The following FAT2 variants were observed in gnomAD, a reference collection of about 807,000 sequenced individuals.
FAT2 encodes protocadherin Fat 2.
Under a neutral mutation model 295.3 loss-of-function variants are expected in FAT2, and 150 were observed. That is an observed-to-expected ratio of 0.51 (90% confidence interval 0.44 to 0.58). The LOEUF (loss-of-function observed/expected upper bound fraction) is 0.58, where lower values mean the gene tolerates loss of function less well. FAT2 is among the 20% of genes least tolerant of loss of function. The probability of loss-of-function intolerance (pLI) is 0.00; values close to 1 mark genes in which losing one functional copy is unlikely to be tolerated. For synonymous variants in FAT2, 2,026 were observed against 2,150.3 expected, an observed-to-expected ratio of 0.94 and a Z score of 1.60; for missense variants, 4,868 against 5,442.7, an observed-to-expected ratio of 0.89 and a Z score of 3.32.
At chr5:151,549,891 T>G (rs1277329608) in intron 8 of FAT2, among the ~76,000 whole-genome samples, 1 of 152,210 alleles carries the variant, frequency 6.6e-6, no homozygotes, top group Non-Finnish European at 1.5e-5. Flanking sequence ...AACAGTTTTC[T>G]TTGTTGCAGG....
At chr5:151,592,742 A>T (rs1581487754), upstream of FAT2, among the ~76,000 whole-genome samples, 1 of 151,564 alleles carries the variant, frequency 6.6e-6, no homozygotes, top group South Asian at 2.1e-4. Flanking sequence ...CTCAGAACAG[A>T]TCCGTTTCCC....
At chr5:151,522,212 G>A (rs568984722) in intron 18 of FAT2, 126 bp from the exon 19 acceptor site, 4 of 679,194 alleles carry the variant, frequency 5.9e-6, no homozygotes, top group African/African-American at 3.7e-5. Context: ...CTGGCTCAGC[G>A]CATTGTTGCA....
chr5:151,543,786 G>A lies in FAT2; in HGVS notation c.7341C>T (p.Asp2447=). 1 of 1,614,216 alleles carries A rather than the reference G, an allele frequency of 6.2e-7. No homozygotes were observed. The highest frequency in any genetic ancestry group is 8.5e-7 in the Non-Finnish European group (1 of 1,180,046). ...CACCTACCCTCAAATTGTAAGAAGAGTCCAGGTGCTTTTTGCAAAGGTTGA... is the reference window on the plus strand; with the variant it reads ...CACCTACCCTCAAATTGTAAGAAGAATCCAGGTGCTTTTTGCAAAGGTTGA... The part of the protein sequence containing the change: ...SMFNLCKKHL[D]SSYNLRVGAS... Residue 2447 remains aspartate, a synonymous_variant, in exon 10 of 24, where the codon GAC becomes GAT. Transcript: ENST00000261800.
intron 1 of FAT2, among the ~76,000 whole-genome samples, chr5:151,572,333 G>C (rs540419670): frequency 1.3e-5 from 2 of 152,200 alleles, no homozygotes; most frequent in South Asian, 2.1e-4. Flanking sequence ...CAGAATGAAC[G>C]CTGAAAGAGC....
rs1755529747 is a variant in FAT2, at chr5:151,537,366, GGAAA to G, written c.9193+423_9193+426del. ...AAGAAAAGAAAAAAGAAGGAAGGAA[GGAAA>G]GAAACAACGAACAACGAAAGGAAAG... On this transcript the variant is annotated intron_variant, in intron 12 of 23. Coordinates refer to ENST00000261800, the MANE Select transcript of FAT2 (RefSeq NM_001447.3). Among the ~76,000 whole-genome samples the G allele has an allele frequency of 3.0e-5, 4 of 133,412 alleles. No individual in the cohort carries two copies. The South Asian group carries it at 7.2e-4, about 24-fold the overall frequency. The allele number at this position is 133,412 out of a possible 152,430, so 87.5% of individuals were successfully genotyped here.
upstream of FAT2, among the ~76,000 whole-genome samples, chr5:151,592,052 A>C (rs900155309): frequency 1.3e-5 from 2 of 152,214 alleles, no homozygotes; most frequent in Non-Finnish European, 2.9e-5. Context: ...CAGATTCATG[A>C]GACCGATTAT....
chr5:151,564,409 T>C (rs1328219138), intron 2 of FAT2, among the ~76,000 whole-genome samples: 1 of 152,264 alleles, frequency 6.6e-6, no homozygotes, highest in Admixed American at 6.5e-5. Flanking sequence ...CTTAATCTAA[T>C]GCTCTTTCTA....
At chr5:151,558,725 T>G (rs1757892707) in intron 3 of FAT2, among the ~76,000 whole-genome samples, 1 of 152,194 alleles carries the variant, frequency 6.6e-6, no homozygotes, top group Non-Finnish European at 1.5e-5. Flanking sequence ...TATTATTCAC[T>G]AGGGTCCTAG....
intron 3 of FAT2, among the ~76,000 whole-genome samples, chr5:151,557,818 G>A (rs1478024720): frequency 6.6e-6 from 1 of 152,174 alleles, no homozygotes; most frequent in African/African-American, 2.4e-5. Context: ...GGGTCATGGT[G>A]AGGCTGGGAA....
At chr5:151,511,602 T>A (rs1397162630) in intron 21 of FAT2, 1 of 155,114 alleles carries the variant, frequency 6.4e-6, no homozygotes, top group African/African-American at 2.4e-5. Flanking sequence ...AAAATGTGAG[T>A]GCGTGTACAT....
At chr5:151,561,461 G>T (rs1758013118) in intron 3 of FAT2, among the ~76,000 whole-genome samples, 1 of 152,086 alleles carries the variant, frequency 6.6e-6, no homozygotes, top group Non-Finnish European at 1.5e-5. Context: ...TGCGATCATG[G>T]GTCACTGTAG....
intron 1 of FAT2, among the ~76,000 whole-genome samples, chr5:151,574,754 C>A (rs1189226611): frequency 1.3e-5 from 2 of 152,226 alleles, no homozygotes; most frequent in Non-Finnish European, 2.9e-5. Flanking sequence ...GAGACTTAAT[C>A]TACTTCCAAG....
chr5:151,506,113 A>G lies in FAT2; in HGVS notation c.12518-16T>C, dbSNP rs759249104. 4 of 1,500,648 alleles carry G rather than the reference A, an allele frequency of 2.7e-6. No homozygotes were observed. In the African/African-American group the frequency reaches 4.2e-5, roughly 16 times the overall value. 93.0% of individuals were successfully genotyped at this position (1,500,648 alleles called of 1,614,324 possible). ...CCAGGGTACACTGAAAGGGAACAGCAAGATAGGGTGAGCTCATTTTCTCCC... is the reference window on the plus strand; with the variant it reads ...CCAGGGTACACTGAAAGGGAACAGCGAGATAGGGTGAGCTCATTTTCTCCC... On this transcript the variant is annotated splice_polypyrimidine_tract_variant and intron_variant, in intron 23 of 23. Coordinates refer to ENST00000261800, the MANE Select transcript of FAT2 (RefSeq NM_001447.3).
chr5:151,533,757 G>GAT (rs377278077), intron 13 of FAT2, among the ~76,000 whole-genome samples: 42 of 150,776 alleles, frequency 2.8e-4, no homozygotes, highest in Non-Finnish European at 5.2e-4. Flanking sequence ...ATATATATGT[G>GAT]ATATATATAT....
In FAT2 at chr5:151,567,866, T is replaced by C. The variant is rs931394739; in HGVS notation, c.1066A>G (p.Lys356Glu). The change falls in exon 2 of 24, where the codon AAA becomes GAA. Residue 356 changes from lysine to glutamate, a missense_variant. Lys to Glu is a moderately conservative substitution (Grantham distance 56). Transcript: ENST00000261800. ...TTCTCGAATTTGAGGGAAGACAGTT[T>C]GGAAGGTGGTAGGTGAAAGCCCCTG... ...QIRGFHLPPS[K>E]LSSLKFEKAV... is the part of the protein sequence containing the mutation. The C allele has an allele frequency of 6.2e-7, 1 of 1,614,118 alleles. No individual in the cohort carries two copies. The highest frequency in any genetic ancestry group is 1.7e-5 in the Admixed American group (1 of 60,016).
At position 151,521,494 on chromosome 5, in the gene FAT2, G is replaced by C. The variant is rs764916395; in HGVS notation, c.11099C>G (p.Ala3700Gly). Residue 3700 changes from alanine to glycine, a missense_variant, in exon 19 of 24, where the codon GCA becomes GGA. Ala to Gly is a moderately conservative substitution (Grantham distance 60). This residue lies in a region of FAT2 where 1,046 missense variants were observed against 1,210.1 expected (regional missense o/e 0.86). Transcript: ENST00000261800. ...SGTFYEFQEL[A>G]SIITHSAKEM... ...CTTGGCTGAGTGAGTGATGATGGAT[G>C]CTAGCTCCTGAAACTCGTAGAAGGT... 4 of 1,614,118 alleles carry C rather than the reference G, an allele frequency of 2.5e-6. No homozygotes were observed. In the South Asian group the frequency reaches 4.4e-5, roughly 18 times the overall value.
rs200068080 is a variant in FAT2, at chr5:151,517,708, C to T, written c.11375G>A (p.Arg3792Gln). The T allele has an allele frequency of 2.8e-4, 444 of 1,614,028 alleles. 1 individual carries two copies. The highest frequency in any genetic ancestry group is 3.5e-4 in the Non-Finnish European group (409 of 1,180,022). The part of the protein sequence containing the change: ...SYVRYRAPAA[R>Q]NWHIHFYLKT... ...CAGATAGAAATGGATGTGCCAGTTC[C>T]GAGCCGCTGGGGCCCTGTACCGCAC... Residue 3792 changes from arginine (R) to glutamine (Q), a missense_variant, in exon 20 of 24, where the codon CGG becomes CAG. Physicochemically the swap from Arg to Gln is conservative, Grantham distance 43. Coordinates refer to ENST00000261800, the MANE Select transcript of FAT2 (RefSeq NM_001447.3).
At chr5:151,592,717 A>G (rs552634401), upstream of FAT2, among the ~76,000 whole-genome samples, 534 of 152,302 alleles carry the variant, frequency 3.5e-3, 1 homozygote, top group African/African-American at 0.012. Flanking sequence ...TGGGGTCACA[A>G]CTGTGCTGGG....
Position 151,544,783 on chromosome 5 carries a change from T to C in FAT2, c.6344A>G (p.Tyr2115Cys), listed in dbSNP as rs370669181. The C allele has an allele frequency of 5.4e-5, 87 of 1,614,046 alleles. No homozygotes were observed. Among genetic ancestry groups the C allele is most frequent in the Non-Finnish European group, 7.1e-5 (84 of 1,180,030 alleles). The stretch of plus-strand genomic sequence containing the variant: ...CCCAAGATAGGGGTCAATTCGGAAA[T>C]ATGTGTAATCTTCTGCAAATTCATA... ...VTYEFAEDYT[Y>C]FRIDPYLGDI... The change falls in exon 10 of 24, where the codon TAT (tyrosine) becomes TGT (cysteine). Residue 2115 changes from tyrosine to cysteine, a missense_variant. This residue lies in a region of FAT2 where 3,297 missense variants were observed against 3,669.4 expected (regional missense o/e 0.90). Transcript: ENST00000261800.
Sources: gnomAD v4.1 joint callset for allele counts (sites outside exome capture counted in the v4.1 genomes callset) on GRCh38, gnomAD v4.1.1 for gene constraint, gnomAD v4.1.1 regional missense constraint, MANE v1.5 for transcripts, NCBI Gene and HGNC (gene_info 2026-07-23, HGNC 2026-07-21) for gene names.